PIK3CD: variants seen among roughly 807,000 people sequenced by gnomAD.
PIK3CD encodes the protein phosphatidylinositol 4,5-bisphosphate 3-kinase catalytic subunit delta isoform.
PIK3CD carries 20 observed loss-of-function variants against 122.9 expected under a neutral mutation model. The ratio of observed to expected loss-of-function variants is 0.16; its 90% CI spans 0.11 to 0.24. PIK3CD has a LOEUF of 0.24. Ranked by LOEUF, PIK3CD falls within the 10% of genes least tolerant of loss-of-function variation. The pLI, the probability that PIK3CD is intolerant of heterozygous loss-of-function variation, is 1.00. For missense variants in PIK3CD, 787 were observed against 1,406.3 expected (o/e 0.56, Z 7.04); for synonymous variants, 596 against 593.4 (o/e 1.00, Z -0.06).
chr1:9,674,725 A>G (rs1557609441), intron 1 of PIK3CD, among the ~76,000 whole-genome samples: 1 of 151,334 alleles, frequency 6.6e-6, no homozygotes, highest in African/African-American at 2.4e-5. Flanking sequence ...CAAAAAGAAA[A>G]GAGAGAAAAG....
the PIK3CD span, among the ~76,000 whole-genome samples, chr1:9,644,635 T>G: frequency 6.6e-6 from 1 of 152,216 alleles, no homozygotes; most frequent in South Asian, 2.1e-4. Flanking sequence ...ATGCAGTTTC[T>G]GAGCTCTCTA....
chr1:9,670,280 T>G (rs1408612085), intron 1 of PIK3CD, among the ~76,000 whole-genome samples: 1 of 152,208 alleles, frequency 6.6e-6, no homozygotes, highest in Non-Finnish European at 1.5e-5. Flanking sequence ...GAATCTTTTT[T>G]TCCCTATTGT....
At position 9,721,999 on chromosome 1, in the gene PIK3CD, G is replaced by T; in HGVS notation, c.2080G>T (p.Ala694Ser). 6.2e-7 allele frequency: 1 copy of T among 1,613,684 alleles called. No individual in the cohort carries two copies. The highest frequency in any genetic ancestry group is 8.5e-7 in the Non-Finnish European group (1 of 1,180,022). Residue 694 changes from alanine (A) to serine (S), a missense_variant, in exon 17 of 24, where the codon GCC becomes TCC. Ala to Ser is a moderately conservative substitution (Grantham distance 99). This residue lies in a region of PIK3CD where 48 missense variants were observed against 71.9 expected (regional missense o/e 0.67). Transcript: ENST00000377346. ...GGGGGAAGCACTGAGCAAACTGAAG[G>T]CCCTGAATGACTTCGTCAAGCTGAG... ...KQGEALSKLK[A>S]LNDFVKLSSQ...
chr1:9,658,208 C>T (rs992719646), intron 1 of PIK3CD, among the ~76,000 whole-genome samples: 1 of 151,736 alleles, frequency 6.6e-6, no homozygotes. Context: ...CATAGTAAGA[C>T]CCCCATCTCT....
At chr1:9,666,351 C>T (rs958051282) in intron 1 of PIK3CD, among the ~76,000 whole-genome samples, 1 of 144,494 alleles carries the variant, frequency 6.9e-6, no homozygotes, top group African/African-American at 2.6e-5. Context: ...AAGTGATTCT[C>T]CTGCCTCAGC....
intron 3 of PIK3CD, among the ~76,000 whole-genome samples, chr1:9,714,683 C>T (rs957473014): frequency 6.6e-6 from 1 of 152,124 alleles, no homozygotes; most frequent in East Asian, 1.9e-4. Context: ...CCATAGTTAG[C>T]CGTTGCCCTT....
intron 1 of PIK3CD, among the ~76,000 whole-genome samples, chr1:9,667,569 G>A (rs1209886938): frequency 6.6e-6 from 1 of 150,942 alleles, no homozygotes; most frequent in Non-Finnish European, 1.5e-5. Flanking sequence ...GTAGAGATTG[G>A]GTTTCACCGT....
At position 9,729,095 on chromosome 1, in the gene PIK3CD, A is replaced by C. The variant is rs1650164045; in HGVS notation, c.*2049A>C. ...CTATCATGAGTATACACATCTGCGAAGGGAAACCGCGCGGCGACAGCGTGA... is the reference window on the plus strand; with the variant it reads ...CTATCATGAGTATACACATCTGCGACGGGAAACCGCGCGGCGACAGCGTGA... On this transcript the variant is annotated 3_prime_UTR_variant, in exon 24 of 24. Transcript: ENST00000377346. The C allele has an allele frequency of 6.6e-6, 1 of 152,186 alleles. No homozygotes were observed. Among genetic ancestry groups the C allele is most frequent in the Non-Finnish European group, 1.5e-5 (1 of 68,046 alleles). The allele number at this position is 152,186 out of a possible 1,614,324, so 9.4% of individuals were successfully genotyped here.
chr1:9,693,462 A>G (rs1646284014), intron 2 of PIK3CD, among the ~76,000 whole-genome samples: 1 of 151,290 alleles, frequency 6.6e-6, no homozygotes. Context: ...CGAACTCCTG[A>G]CCTCAAGGGA....
chr1:9,683,875 T>C (rs1645865501), intron 1 of PIK3CD, among the ~76,000 whole-genome samples: 1 of 152,154 alleles, frequency 6.6e-6, no homozygotes, highest in South Asian at 2.1e-4. Context: ...TCTGGAAGTT[T>C]CATCACTCAT....
At position 9,720,097 on chromosome 1, in the gene PIK3CD, T is replaced by C. The variant is rs761859080; in HGVS notation, c.1340-15T>C. The C allele has an allele frequency of 2.5e-5, 41 of 1,613,326 alleles. No individual in the cohort carries two copies. Among genetic ancestry groups the C allele is most frequent in the Non-Finnish European group, 3.3e-5 (39 of 1,180,002 alleles). The stretch of plus-strand genomic sequence containing the variant: ...CTGGTCACCCCTCTACAACTTCATC[T>C]GCCCCTGTGTTCAGATGAGAAGGGC... On this transcript the variant is annotated splice_polypyrimidine_tract_variant and intron_variant, in intron 10 of 23. Coordinates refer to ENST00000377346, the MANE Select transcript of PIK3CD (RefSeq NM_005026.5). The surrounding 1 kb of genome is among the most constrained non-coding windows in gnomAD (Gnocchi z 9.0).
intron 2 of PIK3CD, among the ~76,000 whole-genome samples, chr1:9,693,975 C>T (rs75295507): frequency 6.6e-6 from 1 of 152,112 alleles, no homozygotes. Flanking sequence ...TTCCCTTCCC[C>T]ACCCCAGCAG....
In PIK3CD at chr1:9,710,374, C is replaced by A; in HGVS notation, c.-32-50C>A. 1.4e-6 allele frequency: 2 copies of A among 1,455,182 alleles called. No homozygotes were observed. The highest frequency in any genetic ancestry group is 1.9e-6 in the Non-Finnish European group (2 of 1,037,686). 90.1% of individuals were successfully genotyped at this position (1,455,182 alleles called of 1,614,324 possible). A position where few individuals can be genotyped will look rare whatever the true frequency, so the allele number is the denominator to read the frequency against. ...TTTCCAGGGAGTCCCTTCCAAAGGT[C>A]TCACCCAGCTCAGCTGAGGTAACTC... On this transcript the variant is annotated intron_variant, in intron 2 of 23. Transcript: ENST00000377346. The surrounding 1 kb of genome is among the most constrained non-coding windows in gnomAD (Gnocchi z 4.7).
rs1436810963 is a variant in PIK3CD, at chr1:9,721,501, C to G, written c.1869C>G (p.Ser623=). Residue 623 remains serine (S), a synonymous_variant, in exon 15 of 24, where the codon TCC becomes TCG. Transcript: ENST00000377346. ...LQLVQVLKYE[S]YLDCELTKFL... is the part of the protein sequence containing the mutation. Reference sequence around the variant, plus strand: ...TGGTGCAGGTGCTCAAGTACGAGTCCTACCTGGACTGCGAGCTGACCAAAT... The same window carrying G: ...TGGTGCAGGTGCTCAAGTACGAGTCGTACCTGGACTGCGAGCTGACCAAAT... 2.5e-6 allele frequency: 4 copies of G among 1,613,728 alleles called. No homozygotes were observed. In the African/African-American group the frequency reaches 4.0e-5, roughly 16 times the overall value.
chr1:9,699,340 A>G (rs535634355), intron 2 of PIK3CD, among the ~76,000 whole-genome samples: 1 of 152,048 alleles, frequency 6.6e-6, no homozygotes, highest in Non-Finnish European at 1.5e-5. Context: ...ACGTCTCCTC[A>G]TTGCTTTCCT....
chr1:9,649,280 G>A (rs1644635402), upstream of PIK3CD, among the ~76,000 whole-genome samples: 1 of 151,704 alleles, frequency 6.6e-6, no homozygotes, highest in Non-Finnish European at 1.5e-5. Flanking sequence ...ACCCAGGCTG[G>A]AGTGCAGTGG....
intron 2 of PIK3CD, among the ~76,000 whole-genome samples, chr1:9,694,134 C>A (rs1360727125): frequency 6.6e-6 from 1 of 152,206 alleles, no homozygotes; most frequent in Non-Finnish European, 1.5e-5. Context: ...ACCGCAGCTT[C>A]CATACAGCCT....
chr1:9,662,863 A>G (rs1645047991), intron 1 of PIK3CD, among the ~76,000 whole-genome samples: 1 of 151,764 alleles, frequency 6.6e-6, no homozygotes. Context: ...TAATTTTTGT[A>G]TTTTTAGTAG....
At chr1:9,646,020 C>T in the PIK3CD span, among the ~76,000 whole-genome samples, 1 of 152,062 alleles carries the variant, frequency 6.6e-6, no homozygotes, top group Admixed American at 6.6e-5. Flanking sequence ...GATCCGCCCA[C>T]CTCAGCCTCC....
Sources: allele counts gnomAD v4.1 joint callset (sites outside exome capture counted in the v4.1 genomes callset), GRCh38; gene constraint gnomAD v4.1.1; regional missense constraint gnomAD v4.1.1; non-coding constraint Gnocchi (gnomAD v3.1); transcripts MANE v1.5; gene names NCBI Gene and HGNC (gene_info 2026-07-23, HGNC 2026-07-21).